Variants in SMCO2 observed in about 807,000 individuals in gnomAD.
The protein encoded by SMCO2 is single-pass membrane and coiled-coil domain-containing protein 2.
SMCO2 carries 25 observed loss-of-function variants against 29.5 expected under a neutral mutation model. The observed-to-expected ratio is 0.85, with a 90% CI of 0.62 to 1.18. SMCO2 has a LOEUF of 1.18. Ranked by LOEUF, SMCO2 falls within the 50% of genes most tolerant of loss-of-function variation. SMCO2 has a pLI of 0.00. For missense variants in SMCO2, 348 were observed against 344.5 expected, an observed-to-expected ratio of 1.01 and a Z score of -0.08; for synonymous variants, 117 against 123.3, an observed-to-expected ratio of 0.95 and a Z score of 0.34.
chr12:27,454,953 T>A, the SMCO2 span, among the ~76,000 whole-genome samples: 2 of 152,242 alleles, frequency 1.3e-5, no homozygotes, highest in Non-Finnish European at 2.9e-5. Context: ...GCACCATTTT[T>A]AATAGCTGCA....
At chr12:27,448,487 TAAAC>T in the SMCO2 span, among the ~76,000 whole-genome samples, 1 of 152,130 alleles carries the variant, frequency 6.6e-6, no homozygotes, top group Admixed American at 6.5e-5. Context: ...CAAAACCAAA[TAAAC>T]AAACCTGAGA....
upstream of SMCO2, among the ~76,000 whole-genome samples, chr12:27,465,044 A>G (rs940477330): frequency 2.9e-4 from 43 of 150,744 alleles, 1 homozygote; most frequent in East Asian, 5.6e-3. Flanking sequence ...AAAAAAAAAA[A>G]AAAAAAAGAA....
chr12:27,444,802 G>A, the SMCO2 span, among the ~76,000 whole-genome samples: 1 of 152,272 alleles, frequency 6.6e-6, no homozygotes, highest in South Asian at 2.1e-4. Context: ...ACTAAAGATA[G>A]AACTACCATA....
At chr12:27,460,766 G>A in the SMCO2 span, among the ~76,000 whole-genome samples, 1 of 152,168 alleles carries the variant, frequency 6.6e-6, no homozygotes, top group East Asian at 1.9e-4. Context: ...TTCTACAAAA[G>A]CCTTAGCTCT....
chr12:27,445,392 C>T, the SMCO2 span, among the ~76,000 whole-genome samples: 1 of 151,986 alleles, frequency 6.6e-6, no homozygotes. Context: ...CACTATTTGG[C>T]ATATAATTAT....
Position 27,488,560 on chromosome 12 carries a change from C to G in SMCO2, c.450+13C>G. The G allele has an allele frequency of 6.6e-7, 1 of 1,522,266 alleles. No homozygotes were observed. The highest frequency in any genetic ancestry group is 1.4e-5 in the African/African-American group (1 of 71,640). 94.3% of individuals were successfully genotyped at this position (1,522,266 alleles called of 1,614,324 possible). A position where few individuals can be genotyped will look rare whatever the true frequency, so the allele number is the denominator to read the frequency against. On this transcript the variant is annotated intron_variant, in intron 5 of 7. Transcript: ENST00000298876. ...GACAAGCACTGAGGTAAGCTAGAGACTTGGGAAAGACTGAGAGGTTGGGGA... is the reference window on the plus strand; with the variant it reads ...GACAAGCACTGAGGTAAGCTAGAGAGTTGGGAAAGACTGAGAGGTTGGGGA...
the SMCO2 span, among the ~76,000 whole-genome samples, chr12:27,451,224 G>C: frequency 1.3e-5 from 2 of 152,160 alleles, no homozygotes; most frequent in African/African-American, 4.8e-5. Context: ...ATGCAAAACT[G>C]TTGCTCCCAG....
At chr12:27,435,618 C>A in the SMCO2 span, among the ~76,000 whole-genome samples, 1 of 150,714 alleles carries the variant, frequency 6.6e-6, no homozygotes, top group African/African-American at 2.4e-5. Context: ...CTTCTTCTTT[C>A]CCTACCCAGA....
At chr12:27,425,627 G>A in the SMCO2 span, among the ~76,000 whole-genome samples, 1 of 152,128 alleles carries the variant, frequency 6.6e-6, no homozygotes, top group African/African-American at 2.4e-5. Flanking sequence ...ATGACACTCA[G>A]AAGTTCCAAG....
the SMCO2 span, among the ~76,000 whole-genome samples, chr12:27,461,057 A>G: frequency 6.6e-6 from 1 of 151,750 alleles, no homozygotes; most frequent in East Asian, 1.9e-4. Context: ...TCCAGAAACC[A>G]CCCCGCATGT....
chr12:27,448,329 C>T, the SMCO2 span, among the ~76,000 whole-genome samples: 1 of 152,108 alleles, frequency 6.6e-6, no homozygotes, highest in African/African-American at 2.4e-5. Context: ...CAGAATTGCA[C>T]GATAAAGAAG....
intron 5 of SMCO2, among the ~76,000 whole-genome samples, chr12:27,492,003 C>T (rs1417436422): frequency 2.6e-5 from 4 of 152,122 alleles, no homozygotes; most frequent in Non-Finnish European, 5.9e-5. Context: ...GCCACTGTGG[C>T]TGGTTGCATG....
At chr12:27,441,348 C>T in the SMCO2 span, among the ~76,000 whole-genome samples, 1 of 152,104 alleles carries the variant, frequency 6.6e-6, no homozygotes, top group Admixed American at 6.5e-5. Flanking sequence ...GCCCACTTCG[C>T]CTATAAAAAT....
chr12:27,454,587 T>A, the SMCO2 span, among the ~76,000 whole-genome samples: 1 of 152,210 alleles, frequency 6.6e-6, no homozygotes, highest in African/African-American at 2.4e-5. Context: ...TCTTTTTTTA[T>A]TATTATACTT....
upstream of SMCO2, among the ~76,000 whole-genome samples, chr12:27,466,194 G>T (rs1040380621): frequency 2.0e-5 from 3 of 152,194 alleles, no homozygotes; most frequent in African/African-American, 7.2e-5. Flanking sequence ...GGCCAAGATG[G>T]GTGGATCCCT....
chr12:27,479,742 A>G (rs976156370), intron 4 of SMCO2, among the ~76,000 whole-genome samples: 8 of 152,174 alleles, frequency 5.3e-5, no homozygotes, highest in African/African-American at 1.9e-4. Context: ...GAGTTCCCCT[A>G]CACAAGCCCT....
At chr12:27,440,347 A>G in the SMCO2 span, among the ~76,000 whole-genome samples, 125,475 of 152,196 alleles carry the variant, frequency 0.82, 52,369 homozygotes, top group Middle Eastern at 0.94. Context: ...GTGCAAGAAA[A>G]GCTAACGGTA....
the SMCO2 span, chr12:27,424,099 CTTT>C: frequency 2.0e-5 from 3 of 152,080 alleles, no homozygotes; most frequent in East Asian, 5.8e-4. Context: ...CTACTTGTAT[CTTT>C]TTACTTTTTT....
intron 7 of SMCO2, among the ~76,000 whole-genome samples, chr12:27,499,713 G>A (rs1404285193): frequency 6.6e-6 from 1 of 150,706 alleles, no homozygotes; most frequent in Admixed American, 6.6e-5. Flanking sequence ...TTTCTCACAT[G>A]ATTACATTCT....
Sources: gnomAD v4.1 joint callset for allele counts (sites outside exome capture counted in the v4.1 genomes callset) on GRCh38, gnomAD v4.1.1 for gene constraint, MANE v1.5 for transcripts, NCBI Gene and HGNC (gene_info 2026-07-23, HGNC 2026-07-21) for gene names.